Variants in TP53I13 observed in about 807,000 individuals in gnomAD.
TP53I13 encodes tumor protein p53-inducible protein 13.
In TP53I13, 27 loss-of-function variants were observed where a neutral mutation model predicts 39.1. The observed-to-expected ratio is 0.69, with a 90% CI of 0.51 to 0.95. The LOEUF is 0.95. Ranked by LOEUF, TP53I13 falls within the 40% of genes least tolerant of loss-of-function variation. The pLI is 0.00. For missense variants in TP53I13, 544 were observed against 520.4 expected (o/e 1.05, Z -0.44); for synonymous variants, 230 against 224.6 (o/e 1.02, Z -0.22).
At chr17:29,579,146 A>C in the TP53I13 span, 1 of 651,892 alleles carries the variant, frequency 1.5e-6, no homozygotes, top group Admixed American at 2.5e-5. Context: ...CGCGTCCCCC[A>C]CCCCTCCTCC....
Position 29,572,466 on chromosome 17 carries a change from G to A in TP53I13, c.838G>A (p.Gly280Ser), listed in dbSNP as rs1402903279. ...GCCCAACGGGCAAGGCAGCCCAGGGGGCTGTGTCTGTTCAAGTCAGGCTTC... is the reference window on the plus strand; with the variant it reads ...GCCCAACGGGCAAGGCAGCCCAGGGAGCTGTGTCTGTTCAAGTCAGGCTTC... ...QVPNGQGSPGGCVCSSQASPA... is the reference protein window; with the variant it reads ...QVPNGQGSPGSCVCSSQASPA... Residue 280 changes from glycine (G) to serine (S), a missense_variant, in exon 6 of 7, where the codon GGC (glycine) becomes AGC (serine). Gly to Ser is a moderately conservative substitution (Grantham distance 56, BLOSUM62 0). Transcript: ENST00000301057. 1.4e-5 allele frequency: 23 copies of A among 1,589,156 alleles called. No homozygotes were observed. In the Admixed American group the frequency reaches 3.4e-4, roughly 24 times the overall value.
chr17:29,575,155 G>A (rs181497741), downstream of TP53I13: 8,129 of 1,591,062 alleles, frequency 5.1e-3, 24 homozygotes, highest in Non-Finnish European at 6.2e-3. The surrounding 1 kb of genome is among the most constrained non-coding windows in gnomAD (Gnocchi z 5.5). Flanking sequence ...GCGGGGAGAA[G>A]GGAGGCTATA....
chr17:29,566,595 C>T (rs769238599), upstream of TP53I13: 103 of 1,609,248 alleles, frequency 6.4e-5, 2 homozygotes, highest in South Asian at 7.1e-4. Flanking sequence ...GCAGGTACTC[C>T]CGGGCCAGCT....
chr17:29,575,935 C>T (rs1173159519), downstream of TP53I13: 1 of 1,549,316 alleles, frequency 6.5e-7, no homozygotes, highest in East Asian at 2.3e-5. This position sits in a 1 kb window ranked among gnomAD's most constrained non-coding sequence, Gnocchi z 5.5. Flanking sequence ...AGTCAGTGTG[C>T]CCCACTGCCC....
chr17:29,568,764 G>T lies in TP53I13; in HGVS notation c.6G>T (p.Ala2=), dbSNP rs753536659. The part of the protein sequence containing the change: M[A]PPPPSPQLLL... ...CGGGCCCGGGGCCGCTTGGAATGGC[G>T]CCTCCTCCGCCTTCGCCCCAACTGC... The change falls in exon 1 of 7, where the codon GCG becomes GCT. Residue 2 remains alanine, a synonymous_variant. Transcript: ENST00000301057. This position sits in a 1 kb window ranked among gnomAD's most constrained non-coding sequence, Gnocchi z 4.5. The T allele has an allele frequency of 5.7e-6, 9 of 1,584,168 alleles. No individual in the cohort carries two copies. In the South Asian group the frequency reaches 8.9e-5, roughly 16 times the overall value.
chr17:29,571,957 G>A lies in TP53I13; in HGVS notation c.413G>A (p.Arg138Lys), dbSNP rs778848875. 3 of 1,613,154 alleles carry A rather than the reference G, an allele frequency of 1.9e-6. No homozygotes were observed. The highest frequency in any genetic ancestry group is 2.5e-6 in the Non-Finnish European group (3 of 1,179,988). Residue 138 changes from arginine (R) to lysine (K), a missense_variant, in exon 5 of 7, where the codon AGG becomes AAG. Physicochemically the swap from Arg to Lys is conservative, Grantham distance 26 (BLOSUM62 2). Transcript: ENST00000301057. ...ATGAGGAGGCGGAGGAGGAAGCAGA[G>A]GAAGAAGAAGGCATGGATCTACTGT... is the stretch of plus-strand genomic sequence containing the variant. ...WLMRRRRRKQ[R>K]KKKAWIYCES... is the part of the protein sequence containing the mutation.
At chr17:29,576,008 GCA>G (rs2033181594), downstream of TP53I13, 16 of 1,568,396 alleles carry the variant, frequency 1.0e-5, no homozygotes, top group Admixed American at 3.3e-5. Context: ...CCCGAATTCA[GCA>G]CAGAGCCCAG....
Position 29,569,045 on chromosome 17 carries a change from G to A in TP53I13, c.100G>A (p.Gly34Arg), listed in dbSNP as rs954054331. 3 of 1,607,634 alleles carry A rather than the reference G, an allele frequency of 1.9e-6. No individual in the cohort carries two copies. The highest frequency in any genetic ancestry group is 1.3e-5 in the African/African-American group (1 of 74,974). The change falls in exon 2 of 7, where the codon GGA (glycine) becomes AGA (arginine). Residue 34 changes from glycine to arginine, a missense_variant. Physicochemically the swap from Gly to Arg is moderately radical, Grantham distance 125 (BLOSUM62 -2). Coordinates refer to ENST00000301057, the MANE Select transcript of TP53I13 (RefSeq NM_138349.4). The stretch of plus-strand genomic sequence containing the variant: ...GATGGCTGGACCGGCGGAGGAGGCG[G>A]GAGCCCATTGTCCCGAGAGCCTGTG... ...EVMAGPAEEA[G>R]AHCPESLWPL...
At chr17:29,566,520 C>T (rs751736768), upstream of TP53I13, 1 of 1,610,344 alleles carries the variant, frequency 6.2e-7, no homozygotes, top group Non-Finnish European at 8.5e-7. Context: ...CGCTGGTGAT[C>T]CGGCGGCCCC....
chr17:29,573,508 A>G (rs2033063197), downstream of TP53I13: 2 of 152,614 alleles, frequency 1.3e-5, no homozygotes, highest in Non-Finnish European at 2.9e-5. Context: ...ATACAAATGT[A>G]CATGACACGT....
upstream of TP53I13, chr17:29,568,355 G>A (rs1326529191): frequency 6.6e-6 from 1 of 152,372 alleles, no homozygotes; most frequent in African/African-American, 2.4e-5. The surrounding 1 kb of genome is among the most constrained non-coding windows in gnomAD (Gnocchi z 4.5). Context: ...GGTCCACAGG[G>A]ATTCCATTTC....
At position 29,572,355 on chromosome 17, in the gene TP53I13, G is replaced by T. The variant is rs760720417; in HGVS notation, c.727G>T (p.Glu243Ter). The T allele has an allele frequency of 1.9e-6, 3 of 1,609,642 alleles. No individual in the cohort carries two copies. The Admixed American group carries it at 5.0e-5, about 27-fold the overall frequency. Residue 243 changes from glutamate to a stop codon, truncating the protein, a stop_gained, in exon 6 of 7, where the codon GAG (glutamate) becomes TAG (stop). Coordinates refer to ENST00000301057, the MANE Select transcript of TP53I13 (RefSeq NM_138349.4). LOFTEE classifies it high-confidence loss of function. ...KQSMAGIPGR[E>*]SNAPSVPTVS... ...GTCCATGGCGGGAATCCCTGGTAGG[G>T]AGAGTAATGCCCCATCTGTGCCCAC...
At chr17:29,575,834 GAGC>G (rs1467297992), downstream of TP53I13, 6 of 1,612,854 alleles carry the variant, frequency 3.7e-6, no homozygotes, top group Non-Finnish European at 5.1e-6. The surrounding 1 kb of genome is among the most constrained non-coding windows in gnomAD (Gnocchi z 5.5). Context: ...TCCCTCCTGG[GAGC>G]AGGACAGCAG....
the TP53I13 span, chr17:29,578,652 C>A: frequency 1.5e-5 from 19 of 1,270,718 alleles, no homozygotes; most frequent in African/African-American, 2.1e-4. Flanking sequence ...GAGTCAGAGG[C>A]AGAGGAAGCA....
chr17:29,566,742 C>T, upstream of TP53I13: 1 of 1,556,948 alleles, frequency 6.4e-7, no homozygotes, highest in Non-Finnish European at 8.6e-7. Flanking sequence ...GGGCCGACGG[C>T]TTGCAAACAA....
downstream of TP53I13, chr17:29,576,695 T>G (rs2033216520): frequency 1.2e-6 from 2 of 1,613,252 alleles, no homozygotes; most frequent in Non-Finnish European, 1.7e-6. Context: ...AGACCTAAGC[T>G]GGTCAGCACC....
At chr17:29,575,693 G>A (rs754857303), downstream of TP53I13, 1 of 1,612,490 alleles carries the variant, frequency 6.2e-7, no homozygotes, top group South Asian at 1.1e-5. The surrounding 1 kb of genome is among the most constrained non-coding windows in gnomAD (Gnocchi z 5.5). Flanking sequence ...GCCGTGGCGG[G>A]AAAGCTTGCT....
chr17:29,575,550 G>A, downstream of TP53I13: 1 of 1,561,724 alleles, frequency 6.4e-7, no homozygotes, highest in Non-Finnish European at 8.8e-7. This position sits in a 1 kb window ranked among gnomAD's most constrained non-coding sequence, Gnocchi z 5.5. Context: ...GCCCGCCTTG[G>A]TCCTCACACA....
chr17:29,575,782 C>A (rs981847487), downstream of TP53I13: 1 of 1,609,366 alleles, frequency 6.2e-7, no homozygotes, highest in African/African-American at 1.3e-5. The surrounding 1 kb of genome is among the most constrained non-coding windows in gnomAD (Gnocchi z 5.5). Context: ...CCCCCAGCCA[C>A]CCTGTGGGCA....
Sources: gnomAD v4.1 joint callset for allele counts on GRCh38, gnomAD v4.1.1 for gene constraint, Gnocchi (gnomAD v3.1) non-coding constraint, MANE v1.5 for transcripts, NCBI Gene and HGNC (gene_info 2026-07-23, HGNC 2026-07-21) for gene names.